Variants in GRM8 observed in about 807,000 individuals in gnomAD.
GRM8 encodes glutamate metabotropic receptor 8.
A neutral mutation model predicts 87.2 loss-of-function variants in GRM8; 47 were observed. The observed-to-expected ratio is 0.54, with a 90% confidence interval of 0.43 to 0.69. The LOEUF is 0.69. Among genes scored for constraint, GRM8 ranks in the 30% least tolerant of loss-of-function variants. The pLI is 0.00. For missense variants in GRM8, 1,019 were observed against 1,139.2 expected (o/e 0.89, Z 1.52); for synonymous variants, 396 against 404.5 (o/e 0.98, Z 0.25).
intron 9 of GRM8, among the ~76,000 whole-genome samples, chr7:126,473,743 G>A (rs1029415339): frequency 6.6e-6 from 1 of 152,164 alleles, no homozygotes; most frequent in Non-Finnish European, 1.5e-5. Context: ...CAGTCCCCAT[G>A]TGTCTTGGGA....
At chr7:126,540,867 C>T (rs999737266) in intron 8 of GRM8, among the ~76,000 whole-genome samples, 1 of 152,104 alleles carries the variant, frequency 6.6e-6, no homozygotes, top group Non-Finnish European at 1.5e-5. Flanking sequence ...TGTGAATATA[C>T]GAAGAACCAC....
chr7:126,958,520 G>A (rs375604740), intron 3 of GRM8, among the ~76,000 whole-genome samples: 1 of 152,170 alleles, frequency 6.6e-6, no homozygotes, highest in Non-Finnish European at 1.5e-5. Context: ...GGCAGCCAGC[G>A]CGCCTGGCTG....
chr7:126,977,343 A>G (rs1811093891), intron 3 of GRM8, among the ~76,000 whole-genome samples: 1 of 152,258 alleles, frequency 6.6e-6, no homozygotes, highest in South Asian at 2.1e-4. Flanking sequence ...CATAAAATGC[A>G]TCACAATTTA....
At chr7:127,040,658 T>C (rs1315393489) in intron 3 of GRM8, among the ~76,000 whole-genome samples, 1 of 150,162 alleles carries the variant, frequency 6.7e-6, no homozygotes, top group Non-Finnish European at 1.5e-5. Flanking sequence ...ATAAGGACAG[T>C]GATGGCCCCA....
intron 6 of GRM8, among the ~76,000 whole-genome samples, chr7:126,837,551 T>G (rs1220021577): frequency 6.6e-6 from 1 of 152,230 alleles, no homozygotes; most frequent in East Asian, 1.9e-4. Flanking sequence ...TCATTCATGT[T>G]GATACACGCA....
At chr7:127,188,152 C>A (rs1375981698) in intron 2 of GRM8, among the ~76,000 whole-genome samples, 3 of 152,154 alleles carry the variant, frequency 2.0e-5, no homozygotes, top group African/African-American at 7.2e-5. Flanking sequence ...TTCAGGAGGG[C>A]TCATTGTATC....
intron 7 of GRM8, among the ~76,000 whole-genome samples, chr7:126,677,703 T>C (rs1260330342): frequency 6.6e-6 from 1 of 152,118 alleles, no homozygotes. Context: ...AGAAGGAGTT[T>C]TGAGGCGGAG....
intron 3 of GRM8, among the ~76,000 whole-genome samples, chr7:126,960,323 C>T (rs1259311220): frequency 1.3e-5 from 2 of 152,018 alleles, no homozygotes; most frequent in African/African-American, 2.4e-5. Context: ...CAGGCTTCTT[C>T]GAAAATCCAG....
intron 2 of GRM8, among the ~76,000 whole-genome samples, chr7:127,185,256 G>T (rs1794672844): frequency 6.6e-6 from 1 of 151,888 alleles, no homozygotes; most frequent in East Asian, 1.9e-4. Flanking sequence ...CAAAAGAATA[G>T]ACATATATTA....
chr7:127,000,042 C>T (rs527768394), intron 3 of GRM8, among the ~76,000 whole-genome samples: 79 of 151,916 alleles, frequency 5.2e-4, no homozygotes, highest in African/African-American at 1.8e-3. Flanking sequence ...TACATATACA[C>T]AATGGAGTAC....
At chr7:126,765,134 T>C (rs949154990) in intron 7 of GRM8, among the ~76,000 whole-genome samples, 4 of 151,912 alleles carry the variant, frequency 2.6e-5, no homozygotes, top group African/African-American at 9.7e-5. Context: ...AAAAAAAAGT[T>C]AGTTTTAACA....
At chr7:126,954,615 T>G (rs2131628903) in intron 3 of GRM8, among the ~76,000 whole-genome samples, 1 of 152,320 alleles carries the variant, frequency 6.6e-6, no homozygotes, top group African/African-American at 2.4e-5. Flanking sequence ...TTTATATAGA[T>G]TCATTACTTT....
intron 9 of GRM8, among the ~76,000 whole-genome samples, chr7:126,504,028 G>C (rs143671844): frequency 1.3e-5 from 2 of 151,936 alleles, no homozygotes; most frequent in Non-Finnish European, 2.9e-5. Flanking sequence ...AGAATTAGGG[G>C]TTGTTCTGTT....
intron 3 of GRM8, chr7:127,076,006 A>G (rs1405745896): frequency 2.7e-6 from 1 of 375,340 alleles, no homozygotes; most frequent in African/African-American, 2.1e-5. Context: ...ATGCTGGCCA[A>G]TATTAGGCTT....
intron 3 of GRM8, among the ~76,000 whole-genome samples, chr7:127,060,993 G>T (rs1454223657): frequency 8.5e-5 from 13 of 152,206 alleles, no homozygotes; most frequent in Non-Finnish European, 1.6e-4. Flanking sequence ...TGAAAGTGGG[G>T]CTGAACATGT....
At chr7:126,894,495 G>T (rs760491349) in intron 6 of GRM8, among the ~76,000 whole-genome samples, 2 of 151,904 alleles carry the variant, frequency 1.3e-5, no homozygotes, top group Non-Finnish European at 2.9e-5. Flanking sequence ...TCTGTAGTGT[G>T]AGCATTTTTC....
chr7:126,533,390 T>A lies in GRM8; in HGVS notation c.1992A>T (p.Ala664=), dbSNP rs1331599451. The part of the protein sequence containing the change: ...FLGLGMCFSY[A]ALLTKTNRIH... ...TACGGTTTGTTTTGGTCAGAAGGGCTGCATAGCTGAAACACATGCCAAGTC... is the reference window on the plus strand; with the variant it reads ...TACGGTTTGTTTTGGTCAGAAGGGCAGCATAGCTGAAACACATGCCAAGTC... The change falls in exon 9 of 11, where the codon GCA becomes GCT. Residue 664 remains alanine (A), a synonymous_variant. Transcript: ENST00000339582. The A allele has an allele frequency of 3.7e-6, 6 of 1,613,986 alleles. No individual in the cohort carries two copies. The South Asian group carries it at 6.6e-5, about 18-fold the overall frequency.
intron 7 of GRM8, among the ~76,000 whole-genome samples, chr7:126,753,608 A>C (rs1332578464): frequency 6.6e-6 from 1 of 151,844 alleles, no homozygotes; most frequent in African/African-American, 2.4e-5. Flanking sequence ...ATCATCAAAG[A>C]AATTTTCCAC....
chr7:127,048,449 G>A (rs1255854877), intron 3 of GRM8, among the ~76,000 whole-genome samples: 2 of 152,246 alleles, frequency 1.3e-5, no homozygotes, highest in African/African-American at 4.8e-5. Flanking sequence ...GAGGAATAAG[G>A]TGGTCTGGCA....
Sources: gnomAD v4.1 joint callset for allele counts (sites outside exome capture counted in the v4.1 genomes callset) on GRCh38, gnomAD v4.1.1 for gene constraint, MANE v1.5 for transcripts, NCBI Gene and HGNC (gene_info 2026-07-23, HGNC 2026-07-21) for gene names.